Variants in ANKRD31 observed in about 807,000 individuals in gnomAD.
ANKRD31 encodes ankyrin repeat domain 31.
ANKRD31 carries 147 observed loss-of-function variants against 186.0 expected under a neutral mutation model. The observed-to-expected ratio is 0.79, with a 90% confidence interval of 0.69 to 0.91. The LOEUF is 0.91. Ranked by LOEUF, ANKRD31 falls within the 40% of genes least tolerant of loss-of-function variation. The probability of loss-of-function intolerance (pLI) is 0.00; values close to 1 mark genes in which losing one functional copy is unlikely to be tolerated. For missense variants in ANKRD31, 1,986 were observed against 2,148.8 expected (o/e 0.92, Z 1.50); for synonymous variants, 673 against 736.4 (o/e 0.91, Z 1.39).
At position 75,118,294 on chromosome 5, in the gene ANKRD31, C is replaced by T. The variant is rs1748462276; in HGVS notation, c.3880G>A (p.Ala1294Thr). 2 of 1,482,348 alleles carry T rather than the reference C, an allele frequency of 1.3e-6. No homozygotes were observed. The highest frequency in any genetic ancestry group is 5.1e-5 in the East Asian group (2 of 39,398). The allele number at this position is 1,482,348 out of a possible 1,614,324, so 91.8% of individuals were successfully genotyped here. A position where few individuals can be genotyped will look rare whatever the true frequency, so the allele number is the denominator to read the frequency against. Reference protein sequence around the residue: ...DAVANNHLKAAEILLQNGANP... With the variant: ...DAVANNHLKATEILLQNGANP... ...GCTCCATTTTGTAGTAGAATCTCAG[C>T]TGCCTACAAAGTATTTTTTCAAAGT... is the stretch of plus-strand genomic sequence containing the variant. Residue 1294 changes from alanine (A) to threonine (T), a missense_variant, in exon 18 of 26, where the codon GCT (alanine) becomes ACT (threonine). Transcript: ENST00000506364.
At chr5:75,147,610 TTTTCTAA>T in intron 13 of ANKRD31, 105 bp from the exon 14 acceptor site, 2 of 884,904 alleles carry the variant, frequency 2.3e-6, no homozygotes, top group East Asian at 5.6e-5. Flanking sequence ...CAAACTATTA[TTTTCTAA>T]TTCAATCTAA....
chr5:75,088,342 G>A (rs2150026707), intron 23 of ANKRD31, among the ~76,000 whole-genome samples: 1 of 152,344 alleles, frequency 6.6e-6, no homozygotes, highest in East Asian at 1.9e-4. Flanking sequence ...CGGATGGGAA[G>A]TATGTTTGCA....
At chr5:75,168,501 C>T (rs1190261439) in intron 11 of ANKRD31, among the ~76,000 whole-genome samples, 2 of 152,062 alleles carry the variant, frequency 1.3e-5, no homozygotes, top group African/African-American at 4.8e-5. Flanking sequence ...AACTGGTATG[C>T]AATTATAGTA....
chr5:75,138,143 C>T (rs1750744578), intron 16 of ANKRD31, 145 bp from the exon 17 acceptor site: 7 of 723,520 alleles, frequency 9.7e-6, no homozygotes, highest in Non-Finnish European at 1.3e-5. Context: ...AGAAATAATA[C>T]AAAAAACTAT....
At chr5:75,230,438 TA>T in intron 2 of ANKRD31, 123 bp downstream of exon 2, 1 of 662,370 alleles carries the variant, frequency 1.5e-6, no homozygotes, top group Non-Finnish European at 2.4e-6. Flanking sequence ...TAGCTTATGG[TA>T]AAATTGGTTT....
At chr5:75,172,892 C>A (rs1753459379) in intron 10 of ANKRD31, among the ~76,000 whole-genome samples, 1 of 152,144 alleles carries the variant, frequency 6.6e-6, no homozygotes, top group South Asian at 2.1e-4. Context: ...TTTTATGAGG[C>A]CAACATCATC....
At chr5:75,128,963 AG>A (rs1212185762) in intron 17 of ANKRD31, among the ~76,000 whole-genome samples, 1 of 152,158 alleles carries the variant, frequency 6.6e-6, no homozygotes, top group East Asian at 1.9e-4. Context: ...TAAAGGCCAA[AG>A]GGCTTCTAAC....
intron 23 of ANKRD31, among the ~76,000 whole-genome samples, chr5:75,084,836 TTAAC>T (rs1452195445): frequency 2.6e-5 from 4 of 152,224 alleles, no homozygotes; most frequent in Non-Finnish European, 5.9e-5. Flanking sequence ...AATCACATAT[TTAAC>T]TGATTAAATT....
rs951091098 is a variant in ANKRD31 at position 75,129,163 on chromosome 5, C to T, written c.3876+8693G>A. Among the ~76,000 whole-genome samples the T allele has an allele frequency of 3.3e-5, 5 of 152,124 alleles. No homozygotes were observed. In the South Asian group the frequency reaches 1.0e-3, roughly 32 times the overall value. On this transcript the variant is annotated intron_variant, in intron 17 of 25. Coordinates refer to ENST00000506364, the MANE Select transcript of ANKRD31 (RefSeq NM_001372053.1). ...GGTTTAAAAGTGTGTAGCATCACCC[C>T]CTTCCCTCTCTGTCTCTGCTCCACC... is the stretch of plus-strand genomic sequence containing the variant.
At chr5:75,102,778 GA>G in intron 22 of ANKRD31, among the ~76,000 whole-genome samples, 1 of 152,260 alleles carries the variant, frequency 6.6e-6, no homozygotes, top group East Asian at 1.9e-4. Context: ...AAGACCACTG[GA>G]AAAGCACAGC....
chr5:75,149,412 G>T (rs1014784590), intron 12 of ANKRD31, among the ~76,000 whole-genome samples: 1 of 151,826 alleles, frequency 6.6e-6, no homozygotes, highest in Middle Eastern at 3.2e-3. Context: ...CAAAAACAGA[G>T]CAATTTAATT....
chr5:75,125,916 G>A (rs1346424344), intron 17 of ANKRD31, among the ~76,000 whole-genome samples: 3 of 152,098 alleles, frequency 2.0e-5, no homozygotes, highest in Admixed American at 2.0e-4. Context: ...AAAAAATCAG[G>A]CTTACTGAAG....
chr5:75,089,437 C>A (rs747908349), intron 23 of ANKRD31, among the ~76,000 whole-genome samples: 5 of 152,208 alleles, frequency 3.3e-5, no homozygotes, highest in African/African-American at 4.8e-5. Context: ...ATACCACCCC[C>A]ACCACTCTCA....
intron 12 of ANKRD31, among the ~76,000 whole-genome samples, chr5:75,149,756 T>C (rs1486006301): frequency 1.3e-5 from 2 of 151,914 alleles, no homozygotes; most frequent in Non-Finnish European, 1.5e-5. Context: ...TTTACATGAA[T>C]CCTAGGTATA....
At chr5:75,176,548 A>G (rs1222156697) in intron 10 of ANKRD31, among the ~76,000 whole-genome samples, 2 of 152,152 alleles carry the variant, frequency 1.3e-5, no homozygotes, top group South Asian at 2.1e-4. Context: ...CCAGAGGAAC[A>G]ATCAGGCAGC....
chr5:75,232,811 C>T (rs1758028303), intron 1 of ANKRD31, among the ~76,000 whole-genome samples: 1 of 152,142 alleles, frequency 6.6e-6, no homozygotes, highest in Non-Finnish European at 1.5e-5. Flanking sequence ...TGAAAAACAG[C>T]AGATGCTTCC....
At chr5:75,226,575 A>T (rs543016077) in intron 2 of ANKRD31, among the ~76,000 whole-genome samples, 92 of 152,332 alleles carry the variant, frequency 6.0e-4, no homozygotes, top group South Asian at 1.2e-3. Context: ...TAGGAAAAAA[A>T]ATATAATAAT....
Position 75,133,642 on chromosome 5 carries a change from A to C in ANKRD31, c.3876+4214T>G, listed in dbSNP as rs184919550. On this transcript the variant is annotated intron_variant, in intron 17 of 25. Transcript: ENST00000506364. ...GTTAACAAGGATATCCAGGAATTGA[A>C]CTCAGCTCTGCATCAAGGGGACCTA... Among the ~76,000 whole-genome samples the C allele has an allele frequency of 4.2e-3, 640 of 152,320 alleles. 1 individual carries two copies. Among genetic ancestry groups the C allele is most frequent in the South Asian group, 9.5e-3 (46 of 4,828 alleles).
Position 75,111,076 on chromosome 5 carries a change from T to C in ANKRD31, c.4243+1437A>G, listed in dbSNP as rs78398133. Among the ~76,000 whole-genome samples the C allele has an allele frequency of 2.4e-3, 367 of 151,896 alleles. 8 individuals carry two copies. The East Asian group carries it at 0.062, about 26-fold the overall frequency. ...AAAAAGGGAAAAATTTAGGAAGCTGTGGAACATTTATTAAACACTAAGAAT... is the reference window on the plus strand; with the variant it reads ...AAAAAGGGAAAAATTTAGGAAGCTGCGGAACATTTATTAAACACTAAGAAT... On this transcript the variant is annotated intron_variant, in intron 20 of 25. Transcript: ENST00000506364.
Sources: allele counts gnomAD v4.1 joint callset (sites outside exome capture counted in the v4.1 genomes callset), GRCh38; gene constraint gnomAD v4.1.1; transcripts MANE v1.5; gene names NCBI Gene and HGNC (gene_info 2026-07-23, HGNC 2026-07-21).